Variants in CPQ observed in about 807,000 individuals in gnomAD.
CPQ encodes Ser-Met dipeptidase.
A neutral mutation model predicts 45.7 loss-of-function variants in CPQ; 37 were observed. The ratio of observed to expected loss-of-function variants is 0.81; its 90% confidence interval spans 0.62 to 1.07. The LOEUF (loss-of-function observed/expected upper bound fraction) is 1.07, where lower values mean the gene tolerates loss of function less well. Ranked by LOEUF, CPQ falls within the 50% of genes least tolerant of loss-of-function variation. CPQ has a pLI of 0.00. For synonymous variants in CPQ, 186 were observed against 205.8 expected (o/e 0.90, Z 0.82); for missense variants, 537 against 572.9 (o/e 0.94, Z 0.64).
chr8:96,977,984 T>A lies in CPQ; in HGVS notation c.961+11938T>A, dbSNP rs549745651. On this transcript the variant is annotated intron_variant, in intron 5 of 7. Transcript: ENST00000220763. ...AAAAACCTATTGAAATAAAAAAAAA[T>A]TTTTTAAAAGAATTTGTTCCTTTCC... Among the ~76,000 whole-genome samples the A allele has an allele frequency of 4.5e-3, 678 of 152,200 alleles. 5 individuals are homozygous for A. The highest frequency in any genetic ancestry group is 4.7e-3 in the Non-Finnish European group (317 of 67,992).
chr8:96,660,029 G>C (rs1363362514), intron 1 of CPQ, among the ~76,000 whole-genome samples: 2 of 152,146 alleles, frequency 1.3e-5, no homozygotes, highest in African/African-American at 2.4e-5. Context: ...TGGCATTTAA[G>C]GTTCTTAAAG....
intron 1 of CPQ, among the ~76,000 whole-genome samples, chr8:96,672,867 G>T (rs186590692): frequency 2.0e-5 from 3 of 152,044 alleles, no homozygotes; most frequent in African/African-American, 4.8e-5. Context: ...TTAGATTCAG[G>T]GGGTACATGT....
intron 4 of CPQ, among the ~76,000 whole-genome samples, chr8:96,955,112 C>G (rs1563537894): frequency 6.6e-6 from 1 of 152,182 alleles, no homozygotes; most frequent in Non-Finnish European, 1.5e-5. Context: ...GGTATATACT[C>G]AGTAATGGGA....
At chr8:96,812,614 A>G (rs1310073739) in intron 2 of CPQ, among the ~76,000 whole-genome samples, 2 of 152,070 alleles carry the variant, frequency 1.3e-5, no homozygotes, top group Admixed American at 1.3e-4. Flanking sequence ...AAAGTAGGTG[A>G]GGTAAGGGAA....
chr8:96,867,194 A>G (rs1309940345), intron 3 of CPQ, among the ~76,000 whole-genome samples: 1 of 152,058 alleles, frequency 6.6e-6, no homozygotes, highest in Non-Finnish European at 1.5e-5. Flanking sequence ...TTTCCCTAAA[A>G]AGTATTCTCT....
At chr8:96,819,630 G>A (rs1414571765) in intron 2 of CPQ, among the ~76,000 whole-genome samples, 1 of 152,064 alleles carries the variant, frequency 6.6e-6, no homozygotes, top group African/African-American at 2.4e-5. Context: ...ATTTGGCTAT[G>A]TTTCTCAAAA....
At chr8:97,031,751 C>T (rs534930651) in intron 6 of CPQ, among the ~76,000 whole-genome samples, 29 of 152,252 alleles carry the variant, frequency 1.9e-4, no homozygotes, top group African/African-American at 7.0e-4. Flanking sequence ...ATCCAGGCTG[C>T]CTCCATACAA....
chr8:96,924,455 G>A (rs1045742200), intron 4 of CPQ, among the ~76,000 whole-genome samples: 1 of 152,130 alleles, frequency 6.6e-6, no homozygotes, highest in Admixed American at 6.5e-5. Flanking sequence ...AAATTTCCCT[G>A]TGCTGACATT....
At chr8:96,809,030 G>T (rs560294699) in intron 2 of CPQ, among the ~76,000 whole-genome samples, 17 of 152,220 alleles carry the variant, frequency 1.1e-4, no homozygotes, top group Middle Eastern at 3.4e-3. Context: ...ACATAAATTT[G>T]TACTATTAAT....
intron 1 of CPQ, among the ~76,000 whole-genome samples, chr8:96,727,781 T>C (rs1165898948): frequency 1.3e-5 from 2 of 152,168 alleles, no homozygotes; most frequent in African/African-American, 4.8e-5. Flanking sequence ...GCAGTGGGAC[T>C]GTGGTGGCCT....
chr8:96,732,321 C>T (rs2130771285), intron 1 of CPQ: 1 of 152,330 alleles, frequency 6.6e-6, no homozygotes, highest in Non-Finnish European at 1.5e-5. Context: ...CCTCAGCATT[C>T]ACAATGTAGA....
intron 7 of CPQ, among the ~76,000 whole-genome samples, chr8:97,106,414 T>G (rs1455462237): frequency 6.6e-6 from 1 of 152,240 alleles, no homozygotes; most frequent in Non-Finnish European, 1.5e-5. Context: ...CACATTTTTA[T>G]TGAGCACCTA....
intron 4 of CPQ, among the ~76,000 whole-genome samples, chr8:96,917,262 T>C (rs1416842544): frequency 6.6e-6 from 1 of 152,176 alleles, no homozygotes; most frequent in Admixed American, 6.6e-5. Flanking sequence ...ATTTTCCTTT[T>C]TTATTTTATA....
At chr8:96,749,205 C>T (rs1258658182) in intron 1 of CPQ, among the ~76,000 whole-genome samples, 6 of 152,034 alleles carry the variant, frequency 3.9e-5, no homozygotes, top group Non-Finnish European at 5.9e-5. Context: ...GAACCTTATC[C>T]GTCTTACCTT....
chr8:96,657,668 A>AAAAAC (rs1815653655), intron 1 of CPQ, among the ~76,000 whole-genome samples: 1 of 152,206 alleles, frequency 6.6e-6, no homozygotes, highest in South Asian at 2.1e-4. Flanking sequence ...AGACATTGTA[A>AAAAAC]AAAACAAAAC....
chr8:97,122,884 CAATAAAATAAAATAA>C (rs1193951271), intron 7 of CPQ, among the ~76,000 whole-genome samples: 81 of 71,134 alleles, frequency 1.1e-3, no homozygotes, highest in African/African-American at 4.9e-3. Flanking sequence ...AACTCTGTCT[CAATAAAATAAAATAA>C]AATAAAATAA....
intron 5 of CPQ, among the ~76,000 whole-genome samples, chr8:96,996,094 G>T (rs1384415616): frequency 2.0e-5 from 3 of 152,052 alleles, no homozygotes; most frequent in Non-Finnish European, 2.9e-5. Context: ...ATGGTGTTAA[G>T]TGTCAAGCAC....
chr8:96,869,649 A>C (rs1424610346), intron 3 of CPQ, among the ~76,000 whole-genome samples: 1 of 152,066 alleles, frequency 6.6e-6, no homozygotes, highest in Non-Finnish European at 1.5e-5. Flanking sequence ...CTGCTGGTGA[A>C]GTCTTGAAGT....
intron 1 of CPQ, among the ~76,000 whole-genome samples, chr8:96,690,943 G>T (rs1057271625): frequency 1.3e-5 from 2 of 152,098 alleles, no homozygotes; most frequent in Non-Finnish European, 2.9e-5. Flanking sequence ...AAATCCAAGA[G>T]GTAACCAGAT....
Sources: allele counts gnomAD v4.1 joint callset (sites outside exome capture counted in the v4.1 genomes callset), GRCh38; gene constraint gnomAD v4.1.1; transcripts MANE v1.5; gene names NCBI Gene and HGNC (gene_info 2026-07-23, HGNC 2026-07-21).